SP110: variants seen among roughly 807,000 people sequenced by gnomAD.
The protein encoded by SP110 is interferon-induced protein 41, 30kD.
In SP110, 62 loss-of-function variants were observed where a neutral mutation model predicts 92.7. The observed-to-expected ratio is 0.67, with a 90% CI of 0.55 to 0.83. SP110 has a LOEUF of 0.83. Ranked by LOEUF, SP110 falls within the 40% of genes least tolerant of loss-of-function variation. SP110 has a pLI of 0.00. For missense variants in SP110, 793 were observed against 863.9 expected (o/e 0.92, Z 1.03); for synonymous variants, 273 against 305.3 (o/e 0.89, Z 1.10).
At position 230,208,033 on chromosome 2, in the gene SP110, A is replaced by C. The variant is rs958965072; in HGVS notation, c.856T>G (p.Ser286Ala). The C allele has an allele frequency of 6.4e-7, 1 of 1,565,430 alleles. No individual in the cohort carries two copies. The highest frequency in any genetic ancestry group is 8.8e-7 in the Non-Finnish European group (1 of 1,137,750). The change falls in exon 8 of 19, where the codon TCA (serine) becomes GCA (alanine). Residue 286 changes from serine to alanine, a missense_variant. Physicochemically the swap from Ser to Ala is moderately conservative, Grantham distance 99. Coordinates refer to ENST00000258381, the MANE Select transcript of SP110 (RefSeq NM_080424.4). Reference sequence around the variant, plus strand: ...TTCTTATGTCTCCTTTTTGGAGTTGACCAGATACATCTTTTTCTTTTCTTT... The same window carrying C: ...TTCTTATGTCTCCTTTTTGGAGTTGCCCAGATACATCTTTTTCTTTTCTTT... Reference protein sequence around the residue: ...KGKKRKRCIWSTPKRRHKKKS... With the variant: ...KGKKRKRCIWATPKRRHKKKS...
At chr2:230,188,840 G>A (rs1416542937) in intron 10 of SP110, among the ~76,000 whole-genome samples, 1 of 152,044 alleles carries the variant, frequency 6.6e-6, no homozygotes, top group African/African-American at 2.4e-5. Context: ...ACTTGATCAT[G>A]GTGTATTATA....
chr2:230,219,874 C>T lies in SP110; in HGVS notation c.-2G>A, dbSNP rs1387770061. On this transcript the variant is annotated splice_region_variant and 5_prime_UTR_variant, in exon 1 of 19. Transcript: ENST00000258381. ...TAAAGCAGCAAAGACAGAAACTCAC[C>T]TGGACTTTGAGTTTGTCGTTCCTGC... 1.0e-6 allele frequency: 1 copy of T among 975,698 alleles called. No homozygotes were observed. Among genetic ancestry groups the T allele is most frequent in the Non-Finnish European group, 1.2e-6 (1 of 821,004 alleles). The allele number at this position is 975,698 out of a possible 1,614,324, so 60.4% of individuals were successfully genotyped here.
At chr2:230,202,937 G>A in intron 8 of SP110, 1 of 599,360 alleles carries the variant, frequency 1.7e-6, no homozygotes, top group Non-Finnish European at 3.0e-6. Flanking sequence ...ATTACCATCT[G>A]CTTTCACTCC....
At chr2:230,197,783 C>G (rs1410539854) in intron 10 of SP110, among the ~76,000 whole-genome samples, 1 of 152,020 alleles carries the variant, frequency 6.6e-6, no homozygotes, top group Non-Finnish European at 1.5e-5. Context: ...TTTCCCAGCA[C>G]CATTTATTAA....
In SP110 at chr2:230,207,974, T is replaced by C. The variant is rs1185482329; in HGVS notation, c.898+17A>G. 2 of 1,331,842 alleles carry C rather than the reference T, an allele frequency of 1.5e-6. No individual in the cohort carries two copies. The highest frequency in any genetic ancestry group is 1.2e-5 in the South Asian group (1 of 83,710). The allele number at this position is 1,331,842 out of a possible 1,614,324, so 82.5% of individuals were successfully genotyped here. On this transcript the variant is annotated intron_variant, in intron 8 of 18. Coordinates refer to ENST00000258381, the MANE Select transcript of SP110 (RefSeq NM_080424.4). ...GCTGTTTCCAGCCTCCAGCTTCCTC[T>C]TGTACTCTCATCTTACCTCCTGGGA...
intron 10 of SP110, among the ~76,000 whole-genome samples, chr2:230,192,364 A>G (rs532404285): frequency 6.6e-6 from 1 of 152,326 alleles, no homozygotes; most frequent in Non-Finnish European, 1.5e-5. Flanking sequence ...TGCAGATGAC[A>G]TGATTATATA....
At chr2:230,221,918 T>A, upstream of SP110, 4 of 597,954 alleles carry the variant, frequency 6.7e-6, no homozygotes, top group Non-Finnish European at 1.2e-5. Flanking sequence ...GGATGAAAGA[T>A]GTTTATTCTA....
Position 230,172,036 on chromosome 2 carries a change from G to A in SP110, c.1815+30C>T, listed in dbSNP as rs768783531. On this transcript the variant is annotated intron_variant, in intron 16 of 18. Transcript: ENST00000258381. ...GTGCTTCTCGTGTGAGAAGGGAAAA[G>A]TATAGGTTTGGGGTTTGCATCCAAC... The A allele has an allele frequency of 3.0e-6, 4 of 1,320,206 alleles. No homozygotes were observed. The South Asian group carries it at 3.5e-5, about 12-fold the overall frequency. 81.8% of individuals were successfully genotyped at this position (1,320,206 alleles called of 1,614,324 possible).
chr2:230,220,421 C>CA (rs1377917256), upstream of SP110, among the ~76,000 whole-genome samples: 1 of 152,042 alleles, frequency 6.6e-6, no homozygotes, highest in Non-Finnish European at 1.5e-5. Context: ...CACAAAAAAA[C>CA]AAAGAGAATG....
intron 14 of SP110, among the ~76,000 whole-genome samples, chr2:230,174,862 G>A (rs10210465): frequency 0.14 from 21,935 of 152,280 alleles, 1,687 homozygotes; most frequent in African/African-American, 0.16. Flanking sequence ...GGCAAGGCCC[G>A]CACTGGCTCA....
upstream of SP110, among the ~76,000 whole-genome samples, chr2:230,220,935 C>A (rs2045759977): frequency 6.6e-6 from 1 of 151,972 alleles, no homozygotes; most frequent in Non-Finnish European, 1.5e-5. Context: ...TTGCTTGAGC[C>A]CAGGAGTTCA....
At chr2:230,222,229 C>CAA (rs1204772131), upstream of SP110, among the ~76,000 whole-genome samples, 16 of 77,274 alleles carry the variant, frequency 2.1e-4, no homozygotes, top group African/African-American at 4.0e-4. Context: ...GATCCCGCCT[C>CAA]AAAAAAAAAA....
intron 10 of SP110, among the ~76,000 whole-genome samples, chr2:230,188,293 G>T (rs2042449719): frequency 6.6e-6 from 1 of 152,002 alleles, no homozygotes; most frequent in Admixed American, 6.6e-5. Context: ...TTCTCAGCTT[G>T]GTCACTGTAG....
At position 230,216,773 on chromosome 2, in the gene SP110, T is replaced by G; in HGVS notation, c.147+8A>C. The G allele has an allele frequency of 6.2e-7, 1 of 1,613,770 alleles. No homozygotes were observed. ...TGGGCTGCCATGGAAGGGTTCAACA[T>G]GACTCACCATGTACATTCTCTTAGT... On this transcript the variant is annotated splice_region_variant and intron_variant, in intron 2 of 18. Coordinates refer to ENST00000258381, the MANE Select transcript of SP110 (RefSeq NM_080424.4).
At chr2:230,202,520 T>C in intron 9 of SP110, 59 bp downstream of exon 9, 1 of 1,555,888 alleles carries the variant, frequency 6.4e-7, no homozygotes, top group Non-Finnish European at 8.9e-7. Flanking sequence ...TGTACCTGCT[T>C]CAGGAGAGAC....
At chr2:230,181,421 A>G (rs762301405) in intron 12 of SP110, among the ~76,000 whole-genome samples, 1 of 152,340 alleles carries the variant, frequency 6.6e-6, no homozygotes, top group South Asian at 2.1e-4. Flanking sequence ...TGCACAGATC[A>G]TTCATCACAG....
chr2:230,202,519 T>C, intron 9 of SP110, 60 bp downstream of exon 9: 2 of 1,551,444 alleles, frequency 1.3e-6, no homozygotes, highest in South Asian at 1.1e-5. Context: ...CTGTACCTGC[T>C]TCAGGAGAGA....
chr2:230,183,031 G>A (rs2042197490), intron 12 of SP110, among the ~76,000 whole-genome samples: 1 of 152,202 alleles, frequency 6.6e-6, no homozygotes, highest in Non-Finnish European at 1.5e-5. Flanking sequence ...GGGCCAGTGT[G>A]GCTGGCGCCT....
chr2:230,184,061 C>T (rs938428926), intron 11 of SP110, among the ~76,000 whole-genome samples: 2 of 152,132 alleles, frequency 1.3e-5, no homozygotes, highest in Non-Finnish European at 2.9e-5. Context: ...GGGTGGGCTG[C>T]GTATACAGCA....
Sources: allele counts gnomAD v4.1 joint callset (sites outside exome capture counted in the v4.1 genomes callset), GRCh38; gene constraint gnomAD v4.1.1; transcripts MANE v1.5; gene names NCBI Gene and HGNC (gene_info 2026-07-23, HGNC 2026-07-21).